The following TENM3 variants were observed in gnomAD, a reference collection of about 807,000 sequenced individuals.
TENM3 encodes the protein teneurin transmembrane protein 3.
A neutral mutation model predicts 255.1 loss-of-function variants in TENM3; 63 were observed. That is an observed-to-expected ratio of 0.25 (90% CI 0.20 to 0.30). The LOEUF (loss-of-function observed/expected upper bound fraction) is 0.30. TENM3 is among the 10% of genes least tolerant of loss of function. TENM3 has a pLI of 1.00. For missense variants in TENM3, 2,929 were observed against 3,461.1 expected, an observed-to-expected ratio of 0.85 and a Z score of 3.86; for synonymous variants, 1,306 against 1,322.3, an observed-to-expected ratio of 0.99 and a Z score of 0.27.
At chr4:182,674,865 CTGGGCTATTTTATTTTATTTTAT>C (rs1250390368) in intron 7 of TENM3, among the ~76,000 whole-genome samples, 1 of 151,842 alleles carries the variant, frequency 6.6e-6, no homozygotes, top group Non-Finnish European at 1.5e-5. Flanking sequence ...GCCACCGCGT[CTGGGCTATTTTATTTTATTTTAT>C]TGTTTGAGAT....
chr4:182,779,304 G>A (rs1295938899), intron 24 of TENM3, among the ~76,000 whole-genome samples: 3 of 151,674 alleles, frequency 2.0e-5, no homozygotes, highest in South Asian at 2.1e-4. Context: ...GAGAATATAC[G>A]GTGTTTGGTT....
At chr4:182,731,243 C>G (rs896199856) in intron 16 of TENM3, 104 bp downstream of exon 16, 2 of 1,184,162 alleles carry the variant, frequency 1.7e-6, no homozygotes, top group Admixed American at 4.5e-5. Flanking sequence ...CGGTGGCTCA[C>G]TCCTGTAATC....
the TENM3 span, among the ~76,000 whole-genome samples, chr4:181,710,881 GAAAAAAAGAAAAAA>G: frequency 7.2e-6 from 1 of 138,114 alleles, no homozygotes; most frequent in African/African-American, 2.7e-5. Flanking sequence ...AAGAAAAAAG[GAAAAAAAGAAAAAA>G]AAAAAAAGAG....
chr4:182,183,936 A>G (rs964836454), intron 1 of TENM3, among the ~76,000 whole-genome samples: 1 of 152,210 alleles, frequency 6.6e-6, no homozygotes, highest in East Asian at 1.9e-4. Flanking sequence ...TTAAAACTAC[A>G]AGTGGCCTTT....
chr4:182,336,317 A>G lies in TENM3; in HGVS notation c.233-10334A>G, dbSNP rs1470634342. ...AATTCCTAAAGTGAGAACTTTCTAT[A>G]TAGTTTTTGAAGTTCTGGCTTAGGA... On this transcript the variant is annotated intron_variant, in intron 2 of 27. Transcript: ENST00000511685. Among the ~76,000 whole-genome samples, 5 of 151,478 alleles carry G rather than the reference A, an allele frequency of 3.3e-5. No individual in the cohort carries two copies. In the East Asian group the frequency reaches 9.7e-4, roughly 29 times the overall value.
At chr4:182,185,712 C>T (rs1265046012) in intron 1 of TENM3, among the ~76,000 whole-genome samples, 2 of 152,178 alleles carry the variant, frequency 1.3e-5, no homozygotes, top group African/African-American at 2.4e-5. Flanking sequence ...TGAAACAAAA[C>T]GATGCCAGCT....
the TENM3 span, among the ~76,000 whole-genome samples, chr4:182,050,002 T>G: frequency 3.3e-5 from 1 of 29,986 alleles, no homozygotes; most frequent in Non-Finnish European, 2.0e-4. Context: ...TAAAAAAAAA[T>G]TTTTTTTTGA....
the TENM3 span, among the ~76,000 whole-genome samples, chr4:181,640,653 C>T: frequency 2.0e-5 from 3 of 152,174 alleles, no homozygotes; most frequent in Non-Finnish European, 2.9e-5. Context: ...CCCTATCAAT[C>T]TCCACTCAGC....
At position 182,793,531 on chromosome 4, in the gene TENM3, A is replaced by G. The variant is rs763827846; in HGVS notation, c.6859A>G (p.Ser2287Gly). 1 of 1,613,920 alleles carries G rather than the reference A, an allele frequency of 6.2e-7. No homozygotes were observed. The highest frequency in any genetic ancestry group is 1.3e-5 in the African/African-American group (1 of 74,956). Residue 2287 changes from serine to glycine, a missense_variant, in exon 26 of 28, where the codon AGC becomes GGC. Physicochemically the swap from Ser to Gly is moderately conservative, Grantham distance 56. Around this residue, in one of 6 missense-constraint regions of TENM3, gnomAD observed 256 missense variants for 389.3 expected, o/e 0.66. Transcript: ENST00000511685. This position sits in a 1 kb window ranked among gnomAD's most constrained non-coding sequence, Gnocchi z 5.7. ...AGGACATCTTTTTGCCATGGAAATC[A>G]GCAGTGGGGATGAATTCTATATTGC... Reference protein sequence around the residue: ...LQGHLFAMEISSGDEFYIASD... With the variant: ...LQGHLFAMEIGSGDEFYIASD...
chr4:181,650,991 G>A, the TENM3 span, among the ~76,000 whole-genome samples: 3 of 152,206 alleles, frequency 2.0e-5, no homozygotes, highest in African/African-American at 4.8e-5. Context: ...TGCCATTTGG[G>A]GCTTCTTACT....
chr4:181,989,408 C>G, the TENM3 span, among the ~76,000 whole-genome samples: 1 of 151,852 alleles, frequency 6.6e-6, no homozygotes, highest in Non-Finnish European at 1.5e-5. Flanking sequence ...AGTGAGGTAG[C>G]AAGAACAGAA....
At chr4:182,390,031 C>T (rs1768317677) in intron 3 of TENM3, among the ~76,000 whole-genome samples, 1 of 152,264 alleles carries the variant, frequency 6.6e-6, no homozygotes, top group African/African-American at 2.4e-5. Context: ...TAAGATAGAT[C>T]TTTTGAGGGT....
chr4:182,723,759 C>G (rs140923712), intron 13 of TENM3, among the ~76,000 whole-genome samples: 12 of 152,312 alleles, frequency 7.9e-5, no homozygotes, highest in African/African-American at 2.9e-4. Flanking sequence ...CAGGGATTGG[C>G]AAACAGTGGC....
At chr4:182,771,473 G>A (rs372430005) in intron 22 of TENM3, among the ~76,000 whole-genome samples, 6 of 141,446 alleles carry the variant, frequency 4.2e-5, no homozygotes, top group Non-Finnish European at 7.6e-5. Flanking sequence ...TAACCACGTC[G>A]TATTTTCATT....
the TENM3 span, among the ~76,000 whole-genome samples, chr4:181,904,674 C>T: frequency 6.6e-6 from 1 of 152,140 alleles, no homozygotes; most frequent in Non-Finnish European, 1.5e-5. Context: ...CCAGCCATGT[C>T]CCTCCCTCAA....
At chr4:182,121,945 C>G in the TENM3 span, among the ~76,000 whole-genome samples, 1 of 152,218 alleles carries the variant, frequency 6.6e-6, no homozygotes, top group African/African-American at 2.4e-5. Context: ...CCTCTCAAAC[C>G]TTTCCACTGC....
intron 1 of TENM3, among the ~76,000 whole-genome samples, chr4:182,290,952 C>T (rs7698791): frequency 0.18 from 28,083 of 152,110 alleles, 2,737 homozygotes; most frequent in Middle Eastern, 0.26. Flanking sequence ...TCCTGAGTAG[C>T]TGGGATTACA....
At chr4:181,723,423 T>A in the TENM3 span, among the ~76,000 whole-genome samples, 1 of 151,852 alleles carries the variant, frequency 6.6e-6, no homozygotes, top group African/African-American at 2.4e-5. Flanking sequence ...GTAGAGCACA[T>A]TTCCCAGTAG....
At chr4:182,117,873 G>T in the TENM3 span, among the ~76,000 whole-genome samples, 6 of 152,154 alleles carry the variant, frequency 3.9e-5, no homozygotes, top group Non-Finnish European at 7.4e-5. Flanking sequence ...TGTAGATCAA[G>T]TTGGGAAGAA....
Sources: allele counts gnomAD v4.1 joint callset (sites outside exome capture counted in the v4.1 genomes callset), GRCh38; gene constraint gnomAD v4.1.1; regional missense constraint gnomAD v4.1.1; non-coding constraint Gnocchi (gnomAD v3.1); transcripts MANE v1.5; gene names NCBI Gene and HGNC (gene_info 2026-07-23, HGNC 2026-07-21).